GPC6: variants seen among roughly 807,000 people sequenced by gnomAD.
The protein encoded by GPC6 is glypican 6.
In GPC6, 14 loss-of-function variants were observed where a neutral mutation model predicts 55.2. That is an observed-to-expected ratio of 0.25 (90% CI 0.17 to 0.40). The LOEUF (loss-of-function observed/expected upper bound fraction) is 0.40. Ranked by LOEUF, GPC6 falls within the 10% of genes least tolerant of loss-of-function variation. GPC6 has a pLI of 1.00. For synonymous variants in GPC6, 278 were observed against 259.6 expected, an observed-to-expected ratio of 1.07 and a Z score of -0.68; for missense variants, 641 against 708.5, an observed-to-expected ratio of 0.90 and a Z score of 1.08.
chr13:93,954,538 T>G (rs1484424790), intron 3 of GPC6, among the ~76,000 whole-genome samples: 3 of 152,174 alleles, frequency 2.0e-5, no homozygotes, highest in Non-Finnish European at 2.9e-5. Flanking sequence ...CCTTTTTATA[T>G]TCCCAAGTTT....
intron 2 of GPC6, among the ~76,000 whole-genome samples, chr13:93,637,557 A>G (rs1208844556): frequency 6.6e-6 from 1 of 152,140 alleles, no homozygotes; most frequent in Admixed American, 6.6e-5. Context: ...TATGGAACAG[A>G]TTATTTTCAG....
intron 1 of GPC6, among the ~76,000 whole-genome samples, chr13:93,539,960 G>C (rs1229640513): frequency 6.6e-6 from 1 of 152,064 alleles, no homozygotes; most frequent in Non-Finnish European, 1.5e-5. Flanking sequence ...CAAAGTGCTG[G>C]GATTACAGGC....
chr13:93,680,298 T>C (rs1881801115), intron 2 of GPC6, among the ~76,000 whole-genome samples: 1 of 152,008 alleles, frequency 6.6e-6, no homozygotes, highest in Non-Finnish European at 1.5e-5. Context: ...CTGGAATAGG[T>C]CTTTGCCTTA....
intron 2 of GPC6, among the ~76,000 whole-genome samples, chr13:93,581,885 CAAT>C (rs1175737744): frequency 6.6e-6 from 1 of 152,062 alleles, no homozygotes; most frequent in Non-Finnish European, 1.5e-5. Context: ...ATAGGCATAT[CAAT>C]TCTAGAAGAG....
At chr13:93,462,647 A>G (rs1383274672) in intron 1 of GPC6, among the ~76,000 whole-genome samples, 1 of 152,052 alleles carries the variant, frequency 6.6e-6, no homozygotes, top group African/African-American at 2.4e-5. Context: ...TGAAAAAAAA[A>G]ACAACTAAGG....
intron 7 of GPC6, among the ~76,000 whole-genome samples, chr13:94,396,785 C>T (rs1358664093): frequency 6.6e-6 from 1 of 152,168 alleles, no homozygotes; most frequent in Non-Finnish European, 1.5e-5. Flanking sequence ...CCTTTGATTG[C>T]TGAGCTATAA....
At chr13:93,349,488 A>G (rs189651977) in intron 1 of GPC6, among the ~76,000 whole-genome samples, 2 of 152,250 alleles carry the variant, frequency 1.3e-5, no homozygotes, top group East Asian at 3.9e-4. Flanking sequence ...ATTTTAGATG[A>G]TTATTTTAAT....
chr13:94,096,494 C>T (rs1480162042), intron 4 of GPC6, among the ~76,000 whole-genome samples: 2 of 152,100 alleles, frequency 1.3e-5, no homozygotes, highest in Non-Finnish European at 2.9e-5. Flanking sequence ...CTTTCTCATC[C>T]ATTATCACAT....
intron 1 of GPC6, among the ~76,000 whole-genome samples, chr13:93,440,442 T>A (rs928348651): frequency 2.4e-4 from 37 of 152,340 alleles, no homozygotes; most frequent in Middle Eastern, 3.4e-3. Context: ...CACAGTTTTC[T>A]TGCAGGAAAA....
At chr13:93,960,708 A>G (rs1261131843) in intron 3 of GPC6, among the ~76,000 whole-genome samples, 2 of 151,994 alleles carry the variant, frequency 1.3e-5, no homozygotes, top group African/African-American at 4.8e-5. Flanking sequence ...CAGTAGCCTT[A>G]GACTCCTAGG....
chr13:93,938,086 CT>C (rs1878532484), intron 3 of GPC6, among the ~76,000 whole-genome samples: 1 of 152,190 alleles, frequency 6.6e-6, no homozygotes, highest in Non-Finnish European at 1.5e-5. Flanking sequence ...GGGAGCAACT[CT>C]TTAAGACAGT....
intron 1 of GPC6, among the ~76,000 whole-genome samples, chr13:93,231,425 G>GTA (rs1491303762): frequency 3.6e-3 from 62 of 17,018 alleles, no homozygotes; most frequent in South Asian, 0.015. Context: ...ATATATATAC[G>GTA]TATATATATA....
rs1875821496 is a variant in GPC6 at position 93,227,276 on chromosome 13, TAA to T, written c.-178_-177del. Reference sequence around the variant, plus strand: ...GGCTTGCCATCGTCCATCTGGCTTATAAAAGTTTGCTGAGCGCAGTCCAGAGG... The same window carrying T: ...GGCTTGCCATCGTCCATCTGGCTTATAAGTTTGCTGAGCGCAGTCCAGAGG... On this transcript the variant is annotated 5_prime_UTR_variant, in exon 1 of 9. Transcript: ENST00000377047. The surrounding 1 kb of genome is among the most constrained non-coding windows in gnomAD (Gnocchi z 4.3). The T allele has an allele frequency of 1.6e-5, 9 of 548,276 alleles. No homozygotes were observed. Among genetic ancestry groups the T allele is most frequent in the Non-Finnish European group, 2.9e-5 (9 of 309,604 alleles). 34.0% of individuals were successfully genotyped at this position (548,276 alleles called of 1,614,324 possible).
intron 4 of GPC6, among the ~76,000 whole-genome samples, chr13:94,259,922 G>A (rs1171528170): frequency 6.6e-6 from 1 of 152,002 alleles, no homozygotes; most frequent in Non-Finnish European, 1.5e-5. Context: ...ACACGCACAC[G>A]ATATTTTGTT....
intron 4 of GPC6, among the ~76,000 whole-genome samples, chr13:94,261,266 C>T (rs1031506198): frequency 1.3e-5 from 2 of 152,146 alleles, no homozygotes; most frequent in African/African-American, 4.8e-5. Flanking sequence ...AAGAGTGAAA[C>T]TCTGTCTCAA....
intron 4 of GPC6, among the ~76,000 whole-genome samples, chr13:94,088,832 C>T (rs1885380726): frequency 6.6e-6 from 1 of 152,118 alleles, no homozygotes; most frequent in Admixed American, 6.5e-5. Context: ...ATTGACTTTA[C>T]ACAATTATGT....
intron 4 of GPC6, among the ~76,000 whole-genome samples, chr13:94,144,842 A>C (rs1382510612): frequency 1.3e-5 from 2 of 152,144 alleles, no homozygotes; most frequent in Admixed American, 1.3e-4. Flanking sequence ...TATGGAGCAG[A>C]GCATTAGAAT....
At chr13:94,298,441 G>T (rs184062955) in intron 5 of GPC6, among the ~76,000 whole-genome samples, 1 of 152,180 alleles carries the variant, frequency 6.6e-6, no homozygotes, top group South Asian at 2.1e-4. Flanking sequence ...TACAGGTGCC[G>T]CTGTTTATCA....
Position 93,295,312 on chromosome 13 carries a change from A to AAG in GPC6, c.160+67700_160+67701dup. ...TCTCAAAAAAAAAAAAAAAAAAAAA[A>AAG]AGAGAAAAAAGAAAGAAAGAAAAAG... On this transcript the variant is annotated intron_variant, in intron 1 of 8. Coordinates refer to ENST00000377047, the MANE Select transcript of GPC6 (RefSeq NM_005708.5). Among the ~76,000 whole-genome samples the AAG allele has an allele frequency of 2.8e-5, 4 of 144,566 alleles. No homozygotes were observed. In the South Asian group the frequency reaches 8.8e-4, roughly 32 times the overall value. The allele number at this position is 144,566 out of a possible 152,430, so 94.8% of individuals were successfully genotyped here.
Sources: gnomAD v4.1 joint callset for allele counts (sites outside exome capture counted in the v4.1 genomes callset) on GRCh38, gnomAD v4.1.1 for gene constraint, Gnocchi (gnomAD v3.1) non-coding constraint, MANE v1.5 for transcripts, NCBI Gene and HGNC (gene_info 2026-07-23, HGNC 2026-07-21) for gene names.